CDH13: variants seen among roughly 807,000 people sequenced by gnomAD.
CDH13 encodes the protein cadherin-13.
A neutral mutation model predicts 63.8 loss-of-function variants in CDH13; 24 were observed. The ratio of observed to expected loss-of-function variants is 0.38; its 90% CI spans 0.27 to 0.53. The LOEUF (loss-of-function observed/expected upper bound fraction) is 0.53. Among genes scored for constraint, CDH13 ranks in the 20% least tolerant of loss-of-function variants. The pLI is 0.85. For synonymous variants in CDH13, 503 were observed against 355.3 expected (o/e 1.42, Z -4.67); for missense variants, 1,049 against 903.1 (o/e 1.16, Z -2.07).
chr16:83,634,505 A>G (rs897545787), intron 8 of CDH13, among the ~76,000 whole-genome samples: 1 of 150,894 alleles, frequency 6.6e-6, no homozygotes, highest in South Asian at 2.1e-4. Context: ...GGTTTAAGCC[A>G]TTCTCCTGCC....
At chr16:82,814,273 G>A (rs773870294) in intron 1 of CDH13, among the ~76,000 whole-genome samples, 2 of 152,138 alleles carry the variant, frequency 1.3e-5, no homozygotes, top group Non-Finnish European at 2.9e-5. Flanking sequence ...TTTCCTGGCT[G>A]ATAGGAGCAT....
At chr16:82,959,921 G>T (rs976839766) in intron 2 of CDH13, among the ~76,000 whole-genome samples, 1 of 152,056 alleles carries the variant, frequency 6.6e-6, no homozygotes, top group East Asian at 1.9e-4. Flanking sequence ...AGATGAATTC[G>T]CCCAAAAGTG....
At chr16:83,080,588 G>C (rs2033161366) in intron 3 of CDH13, among the ~76,000 whole-genome samples, 1 of 152,082 alleles carries the variant, frequency 6.6e-6, no homozygotes, top group Non-Finnish European at 1.5e-5. Context: ...AGGACACTAA[G>C]ATTCAGATGG....
At chr16:83,496,795 A>T (rs1356203692) in intron 7 of CDH13, among the ~76,000 whole-genome samples, 1 of 152,242 alleles carries the variant, frequency 6.6e-6, no homozygotes, top group East Asian at 1.9e-4. Context: ...ATCTACAATG[A>T]ACTCAAACAA....
At chr16:82,923,049 T>A (rs2042203324) in intron 2 of CDH13, among the ~76,000 whole-genome samples, 1 of 152,104 alleles carries the variant, frequency 6.6e-6, no homozygotes, top group Non-Finnish European at 1.5e-5. Flanking sequence ...TAAAGAACAT[T>A]TTATTGCAAA....
rs895828179 is a variant in CDH13, at chr16:83,116,087, G to A, written c.367-9298G>A. Among the ~76,000 whole-genome samples the A allele has an allele frequency of 3.3e-5, 5 of 152,208 alleles. No homozygotes were observed. The East Asian group carries it at 5.8e-4, about 18-fold the overall frequency. On this transcript the variant is annotated intron_variant, in intron 3 of 13. Coordinates refer to ENST00000567109, the MANE Select transcript of CDH13 (RefSeq NM_001257.5). ...TTTTATGCCCTTGGCTGGGTGTGAC[G>A]GAAAGGGGCAGGGACAGACAAAACT...
chr16:82,859,313 T>G (rs901722161), intron 2 of CDH13: 3 of 152,316 alleles, frequency 2.0e-5, no homozygotes, highest in Admixed American at 6.5e-5. Flanking sequence ...ATCTCACCAC[T>G]TTGGGAGGCC....
intron 2 of CDH13, among the ~76,000 whole-genome samples, chr16:83,008,097 C>G (rs1007768503): frequency 2.0e-5 from 3 of 152,056 alleles, no homozygotes; most frequent in African/African-American, 7.2e-5. Flanking sequence ...TAGAGAGCTA[C>G]CATGTATGAG....
chr16:82,887,981 C>G (rs1027799645), intron 2 of CDH13, among the ~76,000 whole-genome samples: 1 of 152,012 alleles, frequency 6.6e-6, no homozygotes. Context: ...AACAGCTTCC[C>G]TTAAACACAC....
intron 5 of CDH13, among the ~76,000 whole-genome samples, chr16:83,262,132 A>G (rs1267857931): frequency 6.6e-6 from 1 of 152,186 alleles, no homozygotes; most frequent in Admixed American, 6.5e-5. Flanking sequence ...CAACTGGCTT[A>G]TTGTCTTTTA....
chr16:82,954,190 C>A (rs1321511804), intron 2 of CDH13: 1 of 152,066 alleles, frequency 6.6e-6, no homozygotes, highest in Non-Finnish European at 1.5e-5. Context: ...GTAGAACACA[C>A]CTTTGAGTTG....
intron 5 of CDH13, among the ~76,000 whole-genome samples, chr16:83,314,771 C>G (rs750379656): frequency 1.3e-5 from 2 of 152,186 alleles, no homozygotes; most frequent in African/African-American, 2.4e-5. Flanking sequence ...TACATGTTGA[C>G]TTTACATTCC....
Position 83,097,352 on chromosome 16 carries a change from G to C in CDH13, c.367-28033G>C, listed in dbSNP as rs563525678. Among the ~76,000 whole-genome samples, 12 of 152,252 alleles carry C rather than the reference G, an allele frequency of 7.9e-5. No individual in the cohort carries two copies. In the South Asian group the frequency reaches 2.3e-3, roughly 29 times the overall value. On this transcript the variant is annotated intron_variant, in intron 3 of 13. Transcript: ENST00000567109. ...CTTTGTATTCCTTAAAAAGACCTAA[G>C]AGAGCTCAAGATTATGGGGTGCTGC... is the stretch of plus-strand genomic sequence containing the variant.
At chr16:82,870,103 A>G (rs911274836) in intron 2 of CDH13, among the ~76,000 whole-genome samples, 1 of 152,118 alleles carries the variant, frequency 6.6e-6, no homozygotes, top group African/African-American at 2.4e-5. Context: ...GCCAGAATAT[A>G]TAAGGAAGTC....
At chr16:82,731,352 A>G (rs560923863) in intron 1 of CDH13, among the ~76,000 whole-genome samples, 1 of 152,354 alleles carries the variant, frequency 6.6e-6, no homozygotes, top group African/African-American at 2.4e-5. Context: ...TACCAAAACA[A>G]CAGGCTCACA....
At chr16:83,122,225 C>T (rs1004102040) in intron 3 of CDH13, among the ~76,000 whole-genome samples, 5 of 152,230 alleles carry the variant, frequency 3.3e-5, no homozygotes, top group Admixed American at 1.3e-4. Flanking sequence ...TTGGTGCTAA[C>T]ACGCCTTTAA....
chr16:82,716,010 G>A (rs1255820652), intron 1 of CDH13, among the ~76,000 whole-genome samples: 3 of 152,188 alleles, frequency 2.0e-5, no homozygotes, highest in Non-Finnish European at 4.4e-5. Flanking sequence ...CTTCCCTGCA[G>A]TCTGCTGGCG....
At chr16:83,694,842 C>A (rs568969017) in intron 10 of CDH13, among the ~76,000 whole-genome samples, 1 of 152,140 alleles carries the variant, frequency 6.6e-6, no homozygotes. Flanking sequence ...TGGTCATAAG[C>A]TTTAAGGGGA....
At chr16:83,606,047 A>G (rs1908299731) in intron 8 of CDH13, among the ~76,000 whole-genome samples, 1 of 152,208 alleles carries the variant, frequency 6.6e-6, no homozygotes, top group African/African-American at 2.4e-5. Context: ...TGGAAGAGGT[A>G]GGAAAACAGG....
Sources: gnomAD v4.1 joint callset for allele counts (sites outside exome capture counted in the v4.1 genomes callset) on GRCh38, gnomAD v4.1.1 for gene constraint, MANE v1.5 for transcripts, NCBI Gene and HGNC (gene_info 2026-07-23, HGNC 2026-07-21) for gene names.